OTUD7A: variants seen among roughly 807,000 people sequenced by gnomAD.
OTUD7A encodes the protein OTU deubiquitinase 7A, also known as OTU domain-containing protein 7A.
OTUD7A carries 12 observed loss-of-function variants against 65.7 expected under a neutral mutation model. The observed-to-expected ratio is 0.18, with a 90% CI of 0.12 to 0.30. The LOEUF is 0.30. Ranked by LOEUF, OTUD7A falls within the 10% of genes least tolerant of loss-of-function variation. The pLI is 1.00. For missense variants in OTUD7A, 1,148 were observed against 1,304.8 expected, an observed-to-expected ratio of 0.88 and a Z score of 1.85; for synonymous variants, 641 against 586.3, an observed-to-expected ratio of 1.09 and a Z score of -1.35.
At chr15:31,669,021 C>G (rs1162980089) in intron 1 of OTUD7A, among the ~76,000 whole-genome samples, 1 of 152,192 alleles carries the variant, frequency 6.6e-6, no homozygotes, top group Non-Finnish European at 1.5e-5. Context: ...GGTGTCTTAG[C>G]TGTGGACACC....
At chr15:31,667,987 T>G (rs1261923347) in intron 1 of OTUD7A, among the ~76,000 whole-genome samples, 2 of 152,208 alleles carry the variant, frequency 1.3e-5, no homozygotes, top group Non-Finnish European at 2.9e-5. Flanking sequence ...CCCTTCTAGC[T>G]TGTAGGGTTT....
At chr15:31,860,039 T>C (rs564897552) in intron 1 of OTUD7A, among the ~76,000 whole-genome samples, 1 of 152,330 alleles carries the variant, frequency 6.6e-6, no homozygotes, top group Non-Finnish European at 1.5e-5. Flanking sequence ...AATTTTCTTT[T>C]TTCCTTAAGG....
intron 1 of OTUD7A, among the ~76,000 whole-genome samples, chr15:31,676,893 A>T (rs1489047953): frequency 6.6e-6 from 1 of 152,258 alleles, no homozygotes; most frequent in East Asian, 1.9e-4. Context: ...ATAGACAAGA[A>T]GTAAAACTGT....
intron 8 of OTUD7A, among the ~76,000 whole-genome samples, chr15:31,516,814 G>T (rs948828413): frequency 4.5e-4 from 68 of 152,122 alleles, no homozygotes; most frequent in African/African-American, 1.6e-3. Context: ...CTTAATCCCT[G>T]CCTCAATGTG....
intron 10 of OTUD7A, among the ~76,000 whole-genome samples, chr15:31,496,607 T>C (rs994681853): frequency 3.9e-5 from 6 of 152,264 alleles, no homozygotes; most frequent in Admixed American, 6.5e-5. Flanking sequence ...ACATTTCTAT[T>C]TAAAAAGAGA....
intron 1 of OTUD7A, chr15:31,766,097 T>C: frequency 6.9e-7 from 1 of 1,455,392 alleles, no homozygotes; most frequent in Non-Finnish European, 9.6e-7. Flanking sequence ...AGTCAAGATG[T>C]TTTTCCACTG....
chr15:31,571,084 C>T (rs1317183648), intron 3 of OTUD7A, among the ~76,000 whole-genome samples: 1 of 152,030 alleles, frequency 6.6e-6, no homozygotes, highest in African/African-American at 2.4e-5. Context: ...GATGGATATC[C>T]CAATTAGCCA....
chr15:31,856,611 T>C lies in OTUD7A; in HGVS notation c.-100+13896A>G, dbSNP rs200057632. Reference sequence around the variant, plus strand: ...TTTCACAAAGTTTCCCCCAAACAGATGGTTACACTCAAAACACCACAAGCA... The same window carrying C: ...TTTCACAAAGTTTCCCCCAAACAGACGGTTACACTCAAAACACCACAAGCA... On this transcript the variant is annotated intron_variant, in intron 1 of 12. Coordinates refer to ENST00000307050, the MANE Select transcript of OTUD7A (RefSeq NM_001382637.1). Among the ~76,000 whole-genome samples, 3 of 152,300 alleles carry C rather than the reference T, an allele frequency of 2.0e-5. No homozygotes were observed. The East Asian group carries it at 5.8e-4, about 29-fold the overall frequency.
At chr15:31,595,873 A>T (rs1038131886) in intron 3 of OTUD7A, among the ~76,000 whole-genome samples, 1 of 151,846 alleles carries the variant, frequency 6.6e-6, no homozygotes, top group Admixed American at 6.6e-5. Context: ...GTGTCCAGAC[A>T]CCACCTATGT....
chr15:31,824,330 G>C (rs546608720), intron 1 of OTUD7A, among the ~76,000 whole-genome samples: 4 of 152,270 alleles, frequency 2.6e-5, no homozygotes, highest in African/African-American at 9.6e-5. Flanking sequence ...AGCAACACCT[G>C]CCGCTTTGCA....
At chr15:31,821,419 C>T (rs1896680953) in intron 1 of OTUD7A, among the ~76,000 whole-genome samples, 1 of 150,390 alleles carries the variant, frequency 6.6e-6, no homozygotes, top group Non-Finnish European at 1.5e-5. Context: ...GCTGAGATTA[C>T]AGGCGTGAGC....
chr15:31,484,817 G>A lies in OTUD7A; in HGVS notation c.1372-93C>T. ...ACACACCTTGCCCCTGTGTTGCCGA[G>A]GCTAGGGCCCTGGACCTTCACTGTC... On this transcript the variant is annotated intron_variant, in intron 12 of 12. Transcript: ENST00000307050. This position sits in a 1 kb window ranked among gnomAD's most constrained non-coding sequence, Gnocchi z 4.5. The A allele has an allele frequency of 2.0e-6, 3 of 1,498,162 alleles. No homozygotes were observed. The highest frequency in any genetic ancestry group is 1.8e-6 in the Non-Finnish European group (2 of 1,126,774). 92.8% of individuals were successfully genotyped at this position (1,498,162 alleles called of 1,614,324 possible). A position where few individuals can be genotyped will look rare whatever the true frequency, so the allele number is the denominator to read the frequency against.
At chr15:31,584,533 C>T (rs894212719) in intron 3 of OTUD7A, among the ~76,000 whole-genome samples, 3 of 152,222 alleles carry the variant, frequency 2.0e-5, no homozygotes, top group Non-Finnish European at 4.4e-5. Context: ...AGACAAGTTA[C>T]AGGGGGATGC....
At chr15:31,859,821 G>A (rs929289584) in intron 1 of OTUD7A, among the ~76,000 whole-genome samples, 1 of 152,182 alleles carries the variant, frequency 6.6e-6, no homozygotes, top group East Asian at 1.9e-4. Flanking sequence ...ATAGGAAGTG[G>A]AGGACCTCTG....
chr15:31,670,989 C>G (rs536706557), intron 1 of OTUD7A, among the ~76,000 whole-genome samples: 1 of 148,212 alleles, frequency 6.7e-6, no homozygotes, highest in Non-Finnish European at 1.5e-5. Flanking sequence ...AGCGAGACTC[C>G]GTCTCAAAAA....
chr15:31,787,846 G>C (rs1895713921), intron 1 of OTUD7A: 2 of 152,150 alleles, frequency 1.3e-5, no homozygotes, highest in Non-Finnish European at 2.9e-5. Flanking sequence ...AATCAGGGAG[G>C]GAGCTCACAC....
intron 3 of OTUD7A, among the ~76,000 whole-genome samples, chr15:31,612,380 T>C (rs1479206341): frequency 6.6e-6 from 1 of 152,158 alleles, no homozygotes; most frequent in Non-Finnish European, 1.5e-5. Flanking sequence ...AACAATATGA[T>C]TGTTTACCTT....
At chr15:31,637,332 T>A (rs564843054) in intron 3 of OTUD7A, among the ~76,000 whole-genome samples, 1 of 152,314 alleles carries the variant, frequency 6.6e-6, no homozygotes, top group South Asian at 2.1e-4. Flanking sequence ...GCACAGCACA[T>A]CTGTTGATAC....
At chr15:31,685,909 C>T (rs1275159479) in intron 1 of OTUD7A, among the ~76,000 whole-genome samples, 1 of 152,222 alleles carries the variant, frequency 6.6e-6, no homozygotes, top group Non-Finnish European at 1.5e-5. Context: ...ACTTATGGGG[C>T]ACAATGTCTG....
Sources: allele counts gnomAD v4.1 joint callset (sites outside exome capture counted in the v4.1 genomes callset), GRCh38; gene constraint gnomAD v4.1.1; non-coding constraint Gnocchi (gnomAD v3.1); transcripts MANE v1.5; gene names NCBI Gene and HGNC (gene_info 2026-07-23, HGNC 2026-07-21).